FTCDNL1: variants seen among roughly 807,000 people sequenced by gnomAD.
FTCDNL1 encodes the protein formiminotransferase N-terminal subdomain-containing protein.
In FTCDNL1, 11 loss-of-function variants were observed where a neutral mutation model predicts 5.9. The observed-to-expected ratio is 1.87, with a 90% CI of 1.18 to 3.10. FTCDNL1 has a LOEUF of 3.10. Among genes scored for constraint, FTCDNL1 ranks in the 30% most tolerant of loss-of-function variants. The probability of loss-of-function intolerance (pLI) is 0.00; values close to 1 mark genes in which losing one functional copy is unlikely to be tolerated. For synonymous variants in FTCDNL1, 58 were observed against 24.8 expected (o/e 2.34, Z -3.99); for missense variants, 115 against 65.5 (o/e 1.76, Z -2.61).
the FTCDNL1 span, among the ~76,000 whole-genome samples, chr2:199,754,733 G>A: frequency 6.6e-6 from 1 of 152,052 alleles, no homozygotes; most frequent in South Asian, 2.1e-4. Flanking sequence ...CACAGATTGG[G>A]GGCTTCGGAA....
chr2:199,723,486 C>A, the FTCDNL1 span, among the ~76,000 whole-genome samples: 1 of 152,026 alleles, frequency 6.6e-6, no homozygotes, highest in Non-Finnish European at 1.5e-5. Flanking sequence ...ATGCTTCCAG[C>A]TTTTGCCCAT....
intron 3 of FTCDNL1, among the ~76,000 whole-genome samples, chr2:199,841,140 G>C (rs1393454025): frequency 2.0e-5 from 3 of 151,508 alleles, no homozygotes; most frequent in African/African-American, 7.3e-5. Context: ...AACCCAGCGA[G>C]ATCCTGTCTT....
the FTCDNL1 span, among the ~76,000 whole-genome samples, chr2:199,732,136 A>G: frequency 6.6e-6 from 1 of 152,212 alleles, no homozygotes; most frequent in South Asian, 2.1e-4. Flanking sequence ...AAAGAATATT[A>G]TCAAGTTCAC....
chr2:199,701,506 C>T, the FTCDNL1 span, among the ~76,000 whole-genome samples: 3 of 151,976 alleles, frequency 2.0e-5, no homozygotes, highest in Non-Finnish European at 2.9e-5. Flanking sequence ...GACATATGCA[C>T]GCATATGTTC....
chr2:199,728,131 A>G, the FTCDNL1 span, among the ~76,000 whole-genome samples: 1 of 152,210 alleles, frequency 6.6e-6, no homozygotes, highest in Non-Finnish European at 1.5e-5. Flanking sequence ...TCAGCTATCA[A>G]GATTCTAATA....
chr2:199,708,600 T>C, the FTCDNL1 span, among the ~76,000 whole-genome samples: 1 of 152,170 alleles, frequency 6.6e-6, no homozygotes, highest in Non-Finnish European at 1.5e-5. Flanking sequence ...GTCTTTGTTA[T>C]GTAGGCCTAT....
At chr2:199,734,712 T>C in the FTCDNL1 span, among the ~76,000 whole-genome samples, 1 of 152,194 alleles carries the variant, frequency 6.6e-6, no homozygotes, top group Non-Finnish European at 1.5e-5. Context: ...TACAGAATTA[T>C]AAAGTTCAGA....
rs569670017 is a variant in FTCDNL1 at position 199,812,468 on chromosome 2, G to T, written c.*237C>A. On this transcript the variant is annotated 3_prime_UTR_variant, in exon 5 of 5. Transcript: ENST00000420128. Reference sequence around the variant, plus strand: ...ATGTTAATTTAAACCTACTAAGAAGGTATTTTAAATGAGAGAGATAATTAA... The same window carrying T: ...ATGTTAATTTAAACCTACTAAGAAGTTATTTTAAATGAGAGAGATAATTAA... The T allele has an allele frequency of 2.5e-5, 11 of 432,816 alleles. No homozygotes were observed. Among genetic ancestry groups the T allele is most frequent in the South Asian group, 6.2e-5 (1 of 16,254 alleles). The allele number at this position is 432,816 out of a possible 1,614,324, so 26.8% of individuals were successfully genotyped here. A position where few individuals can be genotyped will look rare whatever the true frequency, so the allele number is the denominator to read the frequency against.
intron 3 of FTCDNL1, among the ~76,000 whole-genome samples, chr2:199,778,490 G>A (rs2106317682): frequency 6.6e-6 from 1 of 152,218 alleles, no homozygotes; most frequent in African/African-American, 2.4e-5. Flanking sequence ...GGGTCTAAGG[G>A]CACCTGCGAG....
At chr2:199,773,681 A>G (rs1326833703) in intron 3 of FTCDNL1, among the ~76,000 whole-genome samples, 1 of 152,176 alleles carries the variant, frequency 6.6e-6, no homozygotes, top group African/African-American at 2.4e-5. Context: ...TTAATTGTAT[A>G]GATTGAGTGA....
chr2:199,681,308 T>C, the FTCDNL1 span, among the ~76,000 whole-genome samples: 1 of 151,548 alleles, frequency 6.6e-6, no homozygotes, highest in Non-Finnish European at 1.5e-5. Context: ...ACAAAAAAAT[T>C]ACCCGGGTGT....
At chr2:199,825,103 A>G (rs958937791) in intron 3 of FTCDNL1, among the ~76,000 whole-genome samples, 1 of 150,892 alleles carries the variant, frequency 6.6e-6, no homozygotes, top group African/African-American at 2.4e-5. Context: ...ATGCCACTGC[A>G]CTCCAGCCTG....
At chr2:199,776,962 G>A (rs1182233386) in intron 3 of FTCDNL1, among the ~76,000 whole-genome samples, 2,654 of 29,158 alleles carry the variant, frequency 0.091, 74 homozygotes, top group African/African-American at 0.14. Context: ...GTGTATATGT[G>A]TGTGTGTGTG....
the FTCDNL1 span, among the ~76,000 whole-genome samples, chr2:199,714,797 C>CACAG: frequency 6.6e-6 from 1 of 152,108 alleles, no homozygotes; most frequent in African/African-American, 2.4e-5. Context: ...AGAGGAGAAA[C>CACAG]ACAGACACTG....
At chr2:199,744,303 G>A in the FTCDNL1 span, among the ~76,000 whole-genome samples, 2 of 152,114 alleles carry the variant, frequency 1.3e-5, no homozygotes, top group Non-Finnish European at 2.9e-5. Flanking sequence ...TTAAAGATAC[G>A]GCCTTTAGGC....
the FTCDNL1 span, among the ~76,000 whole-genome samples, chr2:199,669,063 A>G: frequency 6.6e-6 from 1 of 152,230 alleles, no homozygotes; most frequent in South Asian, 2.1e-4. Context: ...GCTTTCTGAA[A>G]GAATTTATTT....
At chr2:199,664,771 G>GT in the FTCDNL1 span, among the ~76,000 whole-genome samples, 1 of 152,028 alleles carries the variant, frequency 6.6e-6, no homozygotes, top group Non-Finnish European at 1.5e-5. Context: ...TACTTCTTTG[G>GT]TTTTTTTAAA....
the FTCDNL1 span, among the ~76,000 whole-genome samples, chr2:199,690,779 T>C: frequency 6.6e-6 from 1 of 152,082 alleles, no homozygotes; most frequent in Admixed American, 6.5e-5. Context: ...TCAAAAAATA[T>C]GTGTTGGAAT....
intron 2 of FTCDNL1, among the ~76,000 whole-genome samples, chr2:199,847,305 A>C (rs901963529): frequency 3.3e-5 from 5 of 152,166 alleles, no homozygotes; most frequent in Non-Finnish European, 7.4e-5. Flanking sequence ...TCATTTTCTT[A>C]ACTAGTGCTA....
Sources: allele counts gnomAD v4.1 joint callset (sites outside exome capture counted in the v4.1 genomes callset), GRCh38; gene constraint gnomAD v4.1.1; transcripts MANE v1.5; gene names NCBI Gene and HGNC (gene_info 2026-07-23, HGNC 2026-07-21).